IQSEC3: variants seen among roughly 807,000 people sequenced by gnomAD.
IQSEC3 encodes the protein IQ motif and Sec7 domain ArfGEF 3.
In IQSEC3, 50 loss-of-function variants were observed where a neutral mutation model predicts 105.4. The ratio of observed to expected loss-of-function variants is 0.47; its 90% confidence interval spans 0.38 to 0.60. The LOEUF is 0.60. Ranked by LOEUF, IQSEC3 falls within the 20% of genes least tolerant of loss-of-function variation. IQSEC3 has a pLI of 0.00. For synonymous variants in IQSEC3, 708 were observed against 746.0 expected (o/e 0.95, Z 0.83); for missense variants, 1,415 against 1,630.0 (o/e 0.87, Z 2.27).
chr12:133,798 G>A (rs1865670836), intron 3 of IQSEC3, among the ~76,000 whole-genome samples: 1 of 151,666 alleles, frequency 6.6e-6, no homozygotes, highest in African/African-American at 2.4e-5. Context: ...GGTTGGGTCA[G>A]CATCTGGCAT....
intron 5 of IQSEC3, among the ~76,000 whole-genome samples, chr12:151,749 C>T (rs1266614819): frequency 6.6e-6 from 1 of 152,186 alleles, no homozygotes; most frequent in Non-Finnish European, 1.5e-5. Flanking sequence ...CTGTTACTGT[C>T]TGCACTGCAA....
At position 138,413 on chromosome 12, in the gene IQSEC3, G is replaced by T; in HGVS notation, c.1050G>T (p.Arg350=). 6.2e-7 allele frequency: 1 copy of T among 1,609,294 alleles called. No individual in the cohort carries two copies. Among genetic ancestry groups the T allele is most frequent in the South Asian group, 1.1e-5 (1 of 91,040 alleles). Residue 350 remains arginine (R), a synonymous_variant, in exon 4 of 14, where the codon CGG becomes CGT. Transcript: ENST00000538872. This position sits in a 1 kb window ranked among gnomAD's most constrained non-coding sequence, Gnocchi z 7.1. ...NSLLESRLPR[R]ISLRKVRSPT... ...TTCTGGAGAGCCGCCTGCCACGGCG[G>T]ATCTCCCTGCGCAAGGTGCGGTCAC...
At chr12:85,672 A>G (rs1863894529) in intron 1 of IQSEC3, among the ~76,000 whole-genome samples, 2 of 152,218 alleles carry the variant, frequency 1.3e-5, no homozygotes, top group Admixed American at 6.5e-5. Context: ...GGCATGCTCA[A>G]GTTACAGCCT....
intron 2 of IQSEC3, among the ~76,000 whole-genome samples, chr12:115,868 G>A (rs574482231): frequency 2.5e-4 from 38 of 152,148 alleles, no homozygotes; most frequent in South Asian, 1.0e-3. Flanking sequence ...CAGAGTCACC[G>A]ATTACACCAC....
At chr12:109,087 GCT>G (rs1328881199) in intron 2 of IQSEC3, among the ~76,000 whole-genome samples, 1 of 152,228 alleles carries the variant, frequency 6.6e-6, no homozygotes, top group Non-Finnish European at 1.5e-5. Flanking sequence ...CCCAGCACGC[GCT>G]CTCTCTACTT....
intron 2 of IQSEC3, among the ~76,000 whole-genome samples, chr12:120,559 G>A (rs1364461897): frequency 2.0e-5 from 3 of 152,190 alleles, no homozygotes; most frequent in Admixed American, 1.3e-4. Context: ...TGTGTGCCAG[G>A]ACCAGGCATG....
intron 5 of IQSEC3, among the ~76,000 whole-genome samples, chr12:156,453 G>A (rs560389690): frequency 6.6e-6 from 1 of 152,082 alleles, no homozygotes; most frequent in African/African-American, 2.4e-5. Context: ...CCTGAGGGCT[G>A]GGGCAGCTGG....
chr12:151,680 C>T (rs561918179), intron 5 of IQSEC3, among the ~76,000 whole-genome samples: 36 of 152,330 alleles, frequency 2.4e-4, no homozygotes, highest in African/African-American at 8.4e-4. Flanking sequence ...AAATCCTTCT[C>T]ATGACCCACA....
intron 3 of IQSEC3, among the ~76,000 whole-genome samples, chr12:134,865 C>A (rs1254132720): frequency 1.3e-5 from 2 of 152,082 alleles, no homozygotes; most frequent in African/African-American, 4.8e-5. Flanking sequence ...GTGGCTCACG[C>A]CTGTAATCCC....
chr12:136,350 G>A (rs1865764942), intron 3 of IQSEC3, among the ~76,000 whole-genome samples: 2 of 152,206 alleles, frequency 1.3e-5, no homozygotes, highest in Non-Finnish European at 2.9e-5. Flanking sequence ...GGGGATTGGG[G>A]TTGAATCCAC....
intron 1 of IQSEC3, among the ~76,000 whole-genome samples, chr12:97,149 A>G (rs952662573): frequency 6.6e-6 from 1 of 152,168 alleles, no homozygotes; most frequent in Non-Finnish European, 1.5e-5. Flanking sequence ...TTGGCTCTTT[A>G]GGGTTCTCGT....
chr12:85,940 C>T (rs1863903436), intron 1 of IQSEC3, among the ~76,000 whole-genome samples: 1 of 152,152 alleles, frequency 6.6e-6, no homozygotes, highest in African/African-American at 2.4e-5. Context: ...CTCCAGCACC[C>T]TTAGGAATCG....
chr12:129,561 A>C (rs998847646), intron 3 of IQSEC3, among the ~76,000 whole-genome samples: 4 of 152,134 alleles, frequency 2.6e-5, no homozygotes, highest in African/African-American at 7.2e-5. Flanking sequence ...AACCTAGGGC[A>C]GGCCAAGGAG....
intron 3 of IQSEC3, among the ~76,000 whole-genome samples, chr12:131,232 G>A (rs1388965011): frequency 6.6e-6 from 1 of 152,230 alleles, no homozygotes; most frequent in Non-Finnish European, 1.5e-5. Flanking sequence ...TCTTCTGGCA[G>A]AAGCTGAGAA....
chr12:178,107 GCCT>G lies in IQSEC3; in HGVS notation c.*3075_*3077del, dbSNP rs1216923172. ...GCTCTACCAGCAGCGTGTCCTGGAA[GCCT>G]GCCTGCCTGCCTGCCCGTCTGCACA... On this transcript the variant is annotated 3_prime_UTR_variant, in exon 14 of 14. Transcript: ENST00000538872. 2 of 68,560 alleles carry G rather than the reference GCCT, an allele frequency of 2.9e-5. No individual in the cohort carries two copies. Among genetic ancestry groups the G allele is most frequent in the African/African-American group, 2.0e-4 (2 of 10,122 alleles). The allele number at this position is 68,560 out of a possible 1,614,324, so 4.2% of individuals were successfully genotyped here.
intron 5 of IQSEC3, chr12:148,995 G>T (rs185360060): frequency 6.6e-6 from 1 of 151,356 alleles, no homozygotes; most frequent in African/African-American, 2.4e-5. Context: ...GATCACAGGC[G>T]TGTAGGACGC....
chr12:114,594 G>A (rs181896133), intron 2 of IQSEC3, among the ~76,000 whole-genome samples: 1 of 152,240 alleles, frequency 6.6e-6, no homozygotes, highest in African/African-American at 2.4e-5. Context: ...ATCAAGTAGG[G>A]CCAACAGGCT....
At chr12:137,724 C>G (rs1865824868) in intron 3 of IQSEC3, 1 of 152,736 alleles carries the variant, frequency 6.5e-6, no homozygotes, top group African/African-American at 2.4e-5. Context: ...ACAATCATAG[C>G]TCACTGTAAT....
At chr12:72,135 C>A (rs1255159468) in intron 1 of IQSEC3, among the ~76,000 whole-genome samples, 2 of 152,276 alleles carry the variant, frequency 1.3e-5, no homozygotes, top group African/African-American at 4.8e-5. Flanking sequence ...CTCCCCAGAC[C>A]AATGCAGTGA....
Sources: gnomAD v4.1 joint callset for allele counts (sites outside exome capture counted in the v4.1 genomes callset) on GRCh38, gnomAD v4.1.1 for gene constraint, Gnocchi (gnomAD v3.1) non-coding constraint, MANE v1.5 for transcripts, NCBI Gene and HGNC (gene_info 2026-07-23, HGNC 2026-07-21) for gene names.